The following SYNE2 variants were observed in gnomAD, a reference collection of about 807,000 sequenced individuals.
SYNE2 encodes spectrin repeat containing nuclear envelope protein 2.
Under a neutral mutation model 856.3 loss-of-function variants are expected in SYNE2, and 431 were observed. That is an observed-to-expected ratio of 0.50 (90% CI 0.47 to 0.55). The LOEUF is 0.55. Ranked by LOEUF, SYNE2 falls within the 20% of genes least tolerant of loss-of-function variation. SYNE2 has a pLI of 0.00. For missense variants in SYNE2, 8,129 were observed against 8,023.2 expected (o/e 1.01, Z -0.50); for synonymous variants, 2,923 against 2,872.3 (o/e 1.02, Z -0.56).
intron 45 of SYNE2, among the ~76,000 whole-genome samples, chr14:64,033,240 G>T (rs567482233): frequency 1.6e-4 from 25 of 152,158 alleles, no homozygotes; most frequent in African/African-American, 5.3e-4. Context: ...TGTACAAAAG[G>T]GCACAGTCCT....
rs1225419536 is a variant in SYNE2 at position 63,979,026 on chromosome 14, A to C, written c.1569+12A>C. 1 of 1,613,104 alleles carries C rather than the reference A, an allele frequency of 6.2e-7. No homozygotes were observed. Reference sequence around the variant, plus strand: ...TGGAAGACTGGCATGTAAGCTTTTCAATTTTGTGTCTTAGGCAACTCCTCC... The same window carrying C: ...TGGAAGACTGGCATGTAAGCTTTTCCATTTTGTGTCTTAGGCAACTCCTCC... On this transcript the variant is annotated intron_variant, in intron 14 of 115. Transcript: ENST00000555002.
At position 64,000,586 on chromosome 14, in the gene SYNE2, C is replaced by T. The variant is rs574167855; in HGVS notation, c.3505C>T (p.Arg1169Cys). Residue 1169 changes from arginine to cysteine, a missense_variant, in exon 28 of 116, where the codon CGC becomes TGC. Physicochemically the swap from Arg to Cys is radical, Grantham distance 180. This residue lies in a region of SYNE2 where 2,422 missense variants were observed against 2,357.4 expected (regional missense o/e 1.03). Transcript: ENST00000555002. ...LQVIKNETDA[R>C]WKEFEIISLK... ...GGTCATAAAAAATGAAACTGATGCT[C>T]GCTGGAAAGAGTTTGAAATTATTTC... 40 of 1,613,210 alleles carry T rather than the reference C, an allele frequency of 2.5e-5. No individual in the cohort carries two copies. The highest frequency in any genetic ancestry group is 7.7e-5 in the South Asian group (7 of 90,960).
intron 32 of SYNE2, among the ~76,000 whole-genome samples, chr14:64,011,221 C>G (rs2096842596): frequency 6.6e-6 from 1 of 152,168 alleles, no homozygotes; most frequent in South Asian, 2.1e-4. Context: ...GGAAGCAGCC[C>G]TGTTTAGATA....
intron 45 of SYNE2, among the ~76,000 whole-genome samples, chr14:64,043,971 C>T (rs528562033): frequency 8.5e-5 from 13 of 152,358 alleles, no homozygotes; most frequent in African/African-American, 2.6e-4. Context: ...GATCCTCCCA[C>T]CTCAGCCTCC....
intron 82 of SYNE2, among the ~76,000 whole-genome samples, chr14:64,142,946 G>T (rs954343788): frequency 6.6e-6 from 1 of 152,312 alleles, no homozygotes; most frequent in African/African-American, 2.4e-5. Flanking sequence ...TGACAAGTGT[G>T]GTCATTGCTT....
At chr14:63,986,747 T>C (rs1330645843) in intron 19 of SYNE2, 130 bp downstream of exon 19, 2 of 1,026,404 alleles carry the variant, frequency 1.9e-6, no homozygotes, top group East Asian at 2.5e-5. Context: ...GTTTTAAAAA[T>C]GAATGGATTT....
At chr14:63,824,165 C>T (rs1889330442) in intron 1 of SYNE2, among the ~76,000 whole-genome samples, 1 of 151,902 alleles carries the variant, frequency 6.6e-6, no homozygotes, top group Admixed American at 6.6e-5. Flanking sequence ...ATAATCAAAC[C>T]CCATCTCTAC....
At chr14:63,948,732 G>GTATATATATATGTGTGTATATATATA (rs1566883191) in intron 6 of SYNE2, among the ~76,000 whole-genome samples, 59 of 60,516 alleles carry the variant, frequency 9.7e-4, no homozygotes, top group South Asian at 2.8e-3. Context: ...GTATATATAT[G>GTATATATATATGTGTGTATATATATA]TGTATAGATA....
chr14:63,988,919 G>C (rs895936297), intron 19 of SYNE2, among the ~76,000 whole-genome samples: 2 of 152,146 alleles, frequency 1.3e-5, no homozygotes, highest in African/African-American at 4.8e-5. Flanking sequence ...AATTCAAGAT[G>C]AGATTTGGGT....
rs1484287471 is a variant in SYNE2 at position 64,225,048 on chromosome 14, A to C, written c.20516+3A>C. Reference sequence around the variant, plus strand: ...GGCGAGGAGGAGACAGAGAGCAGGTAACGGGGCTTTACCGTGACAGCAGTG... The same window carrying C: ...GGCGAGGAGGAGACAGAGAGCAGGTCACGGGGCTTTACCGTGACAGCAGTG... On this transcript the variant is annotated splice_donor_region_variant and intron_variant, in intron 115 of 115. Coordinates refer to ENST00000555002, the MANE Select transcript of SYNE2 (RefSeq NM_182914.3). 1 of 1,613,922 alleles carries C rather than the reference A, an allele frequency of 6.2e-7. No individual in the cohort carries two copies. Among genetic ancestry groups the C allele is most frequent in the African/African-American group, 1.3e-5 (1 of 74,912 alleles).
Position 63,909,209 on chromosome 14 carries a change from C to G in SYNE2, c.61C>G (p.Leu21Val). ...DEQGSWGIDD[L>V]HISLQAEQED... Reference sequence around the variant, plus strand: ...ACAGGGTTCCTGGGGCATCGACGATCTCCATATTTCATTGCAAGGTAATTA... The same window carrying G: ...ACAGGGTTCCTGGGGCATCGACGATGTCCATATTTCATTGCAAGGTAATTA... Residue 21 changes from leucine to valine, a missense_variant, in exon 2 of 116, where the codon CTC (leucine) becomes GTC (valine). Leu to Val is a conservative substitution (Grantham distance 32). This residue lies in a region of SYNE2 where 2,422 missense variants were observed against 2,357.4 expected (regional missense o/e 1.03). Coordinates refer to ENST00000555002, the MANE Select transcript of SYNE2 (RefSeq NM_182914.3). 6.2e-7 allele frequency: 1 copy of G among 1,612,316 alleles called. No homozygotes were observed. Among genetic ancestry groups the G allele is most frequent in the Non-Finnish European group, 8.5e-7 (1 of 1,178,972 alleles).
chr14:63,783,448 G>A (rs1449160590), intron 1 of SYNE2, among the ~76,000 whole-genome samples: 1 of 152,062 alleles, frequency 6.6e-6, no homozygotes, highest in African/African-American at 2.4e-5. Flanking sequence ...CGCGATCTTG[G>A]CTCACTGCAA....
At chr14:63,981,252 A>G in intron 16 of SYNE2, 79 bp downstream of exon 16, 1 of 1,274,224 alleles carries the variant, frequency 7.8e-7, no homozygotes, top group Non-Finnish European at 1.1e-6. Flanking sequence ...CAATCCAAAG[A>G]TGAGAAAACA....
chr14:64,190,508 G>A, intron 99 of SYNE2: 1 of 660,702 alleles, frequency 1.5e-6, no homozygotes. Context: ...TTTGGAAAGG[G>A]ATCCTTGGGA....
chr14:63,985,980 C>G (rs982092820), intron 18 of SYNE2, among the ~76,000 whole-genome samples: 3 of 152,156 alleles, frequency 2.0e-5, no homozygotes, highest in Admixed American at 6.5e-5. Context: ...TGTACTCCAG[C>G]CTGGGCAATA....
chr14:63,782,467 CAAAAAAAAAA>C (rs35413633), intron 1 of SYNE2, among the ~76,000 whole-genome samples: 5 of 49,634 alleles, frequency 1.0e-4, no homozygotes, highest in Admixed American at 8.5e-4. Flanking sequence ...AACTCCATCT[CAAAAAAAAAA>C]AAAAAAAAAA....
intron 107 of SYNE2, chr14:64,215,827 A>T: frequency 1.5e-6 from 1 of 660,708 alleles, no homozygotes; most frequent in South Asian, 2.1e-5. Context: ...CCTCATCCTT[A>T]GCCCCATCCC....
At position 63,909,078 on chromosome 14, in the gene SYNE2, T is replaced by C; in HGVS notation, c.-51-20T>C. 9.1e-7 allele frequency: 1 copy of C among 1,104,162 alleles called. No individual in the cohort carries two copies. The allele number at this position is 1,104,162 out of a possible 1,614,324, so 68.4% of individuals were successfully genotyped here. On this transcript the variant is annotated intron_variant, in intron 1 of 115. Coordinates refer to ENST00000555002, the MANE Select transcript of SYNE2 (RefSeq NM_182914.3). The stretch of plus-strand genomic sequence containing the variant: ...AGAGCTGCAAAGTTACTAATGAACA[T>C]TTATCCATTTCACTTTCAGTTCACT...
chr14:63,956,988 C>A (rs941355178), intron 8 of SYNE2, among the ~76,000 whole-genome samples: 3 of 152,114 alleles, frequency 2.0e-5, no homozygotes, highest in African/African-American at 7.2e-5. Context: ...CCCCCCATGC[C>A]CCAGTACTTG....
Sources: gnomAD v4.1 joint callset for allele counts (sites outside exome capture counted in the v4.1 genomes callset) on GRCh38, gnomAD v4.1.1 for gene constraint, gnomAD v4.1.1 regional missense constraint, MANE v1.5 for transcripts, NCBI Gene and HGNC (gene_info 2026-07-23, HGNC 2026-07-21) for gene names.